Variants in SOX6 observed in about 807,000 individuals in gnomAD.
SOX6 encodes SRY-box transcription factor 6, also known as transcription factor SOX-6.
A neutral mutation model predicts 97.8 loss-of-function variants in SOX6; 11 were observed. The ratio of observed to expected loss-of-function variants is 0.11; its 90% confidence interval spans 0.07 to 0.19. SOX6 has a LOEUF of 0.19. Among genes scored for constraint, SOX6 ranks in the 10% least tolerant of loss-of-function variants. SOX6 has a pLI of 1.00. For missense variants in SOX6, 810 were observed against 1,039.5 expected (o/e 0.78, Z 3.04); for synonymous variants, 360 against 371.4 (o/e 0.97, Z 0.35).
chr11:16,340,606 T>C (rs1279917966), intron 2 of SOX6, among the ~76,000 whole-genome samples: 6 of 152,124 alleles, frequency 3.9e-5, no homozygotes, highest in Non-Finnish European at 8.8e-5. Context: ...ATTGAAGGTG[T>C]ATTCAACATA....
intron 13 of SOX6, among the ~76,000 whole-genome samples, chr11:15,996,196 C>T (rs1854218319): frequency 6.6e-6 from 1 of 152,054 alleles, no homozygotes. Context: ...ACAACAATAG[C>T]ATATTACCAC....
chr11:16,478,383 T>A (rs1860290450), upstream of SOX6, among the ~76,000 whole-genome samples: 1 of 152,238 alleles, frequency 6.6e-6, no homozygotes. Flanking sequence ...AATTTTTTAA[T>A]CAATGAACTA....
chr11:16,506,873 G>T (rs1860796333), intron 4 of SOX6, among the ~76,000 whole-genome samples: 1 of 152,036 alleles, frequency 6.6e-6, no homozygotes. Flanking sequence ...AGACCAGCCT[G>T]GTCAACATGG....
intron 1 of SOX6, among the ~76,000 whole-genome samples, chr11:16,346,565 T>C (rs1856783366): frequency 6.6e-6 from 1 of 152,082 alleles, no homozygotes; most frequent in Non-Finnish European, 1.5e-5. Context: ...CCAATCCACC[T>C]CCAAACTTCC....
Position 16,106,372 on chromosome 11 carries a change from G to GTA in SOX6, c.898+5429_898+5430dup, listed in dbSNP as rs747934353. Among the ~76,000 whole-genome samples the GTA allele has an allele frequency of 2.7e-3, 405 of 151,386 alleles. 3 individuals are homozygous for GTA. Among genetic ancestry groups the GTA allele is most frequent in the African/African-American group, 7.8e-3 (321 of 41,318 alleles). Reference sequence around the variant, plus strand: ...TATATATATATACATATGTGTGTGTGTATATATATATACATATCTACCAAT... The same window carrying GTA: ...TATATATATATACATATGTGTGTGTGTATATATATATATACATATCTACCAAT... On this transcript the variant is annotated intron_variant, in intron 7 of 15. Transcript: ENST00000683767.
At chr11:16,010,598 G>A (rs1366146429) in intron 13 of SOX6, among the ~76,000 whole-genome samples, 3 of 151,802 alleles carry the variant, frequency 2.0e-5, no homozygotes, top group African/African-American at 7.3e-5. Flanking sequence ...GAAACCCCAG[G>A]TATAAGAGAA....
At chr11:16,193,116 C>T (rs557802368) in intron 4 of SOX6, among the ~76,000 whole-genome samples, 57 of 151,976 alleles carry the variant, frequency 3.8e-4, no homozygotes, top group African/African-American at 7.2e-4. Context: ...AACACAGCAA[C>T]GGAGAAAGAG....
At chr11:15,993,435 C>T (rs185080799) in intron 13 of SOX6, among the ~76,000 whole-genome samples, 8 of 146,126 alleles carry the variant, frequency 5.5e-5, no homozygotes, top group South Asian at 2.2e-4. Context: ...GTGAGTTCAG[C>T]GTATGATTTT....
At chr11:15,991,145 G>C (rs1358639247) in intron 13 of SOX6, among the ~76,000 whole-genome samples, 3 of 152,076 alleles carry the variant, frequency 2.0e-5, no homozygotes, top group Non-Finnish European at 4.4e-5. Context: ...AGGCCTACTA[G>C]ACAGAATGAT....
intron 4 of SOX6, among the ~76,000 whole-genome samples, chr11:16,549,243 C>T (rs1847652557): frequency 6.6e-6 from 1 of 152,122 alleles, no homozygotes; most frequent in Non-Finnish European, 1.5e-5. Flanking sequence ...GATCTCGGCT[C>T]ACTGCAACGT....
chr11:16,157,513 G>C (rs576355977), intron 6 of SOX6, among the ~76,000 whole-genome samples: 40 of 151,872 alleles, frequency 2.6e-4, no homozygotes, highest in African/African-American at 8.5e-4. Flanking sequence ...CTGTCCCCCA[G>C]ATTTGGTTAA....
chr11:16,080,837 C>T (rs1399022470), intron 9 of SOX6, among the ~76,000 whole-genome samples: 2 of 152,124 alleles, frequency 1.3e-5, no homozygotes, highest in Non-Finnish European at 2.9e-5. Flanking sequence ...GCTTTACTCA[C>T]AGTGAAGCCC....
At chr11:16,032,395 A>C (rs1231757011) in intron 12 of SOX6, among the ~76,000 whole-genome samples, 3 of 152,184 alleles carry the variant, frequency 2.0e-5, no homozygotes, top group Non-Finnish European at 2.9e-5. Flanking sequence ...TTTTTGTATT[A>C]AAAATTCATC....
At chr11:16,277,118 A>T (rs1854426109) in intron 3 of SOX6, among the ~76,000 whole-genome samples, 1 of 151,952 alleles carries the variant, frequency 6.6e-6, no homozygotes, top group Non-Finnish European at 1.5e-5. Flanking sequence ...GCATGAGAGG[A>T]CTCTGTGCTA....
At chr11:16,110,098 C>G (rs1017896774) in intron 7 of SOX6, among the ~76,000 whole-genome samples, 7 of 152,106 alleles carry the variant, frequency 4.6e-5, no homozygotes, top group Non-Finnish European at 8.8e-5. Context: ...TATCTTCCCC[C>G]ATGAAAAGTG....
At chr11:16,239,914 C>A (rs1048329198) in intron 3 of SOX6, among the ~76,000 whole-genome samples, 1 of 151,980 alleles carries the variant, frequency 6.6e-6, no homozygotes, top group Non-Finnish European at 1.5e-5. Context: ...GCATTTATGC[C>A]TAGCAATGAA....
intron 6 of SOX6, among the ~76,000 whole-genome samples, chr11:16,169,826 G>C (rs1010978032): frequency 2.6e-5 from 4 of 151,892 alleles, no homozygotes; most frequent in Non-Finnish European, 4.4e-5. Context: ...CCACCATGAG[G>C]TGCTGATGGG....
intron 4 of SOX6, among the ~76,000 whole-genome samples, chr11:16,197,824 T>C (rs1224655801): frequency 6.6e-6 from 1 of 152,218 alleles, no homozygotes; most frequent in Non-Finnish European, 1.5e-5. Context: ...AAGAGTCTCC[T>C]GTCACAGGAT....
intron 4 of SOX6, among the ~76,000 whole-genome samples, chr11:16,553,895 C>T (rs763368127): frequency 1.3e-5 from 2 of 151,958 alleles, no homozygotes; most frequent in Non-Finnish European, 2.9e-5. Flanking sequence ...AAAAATAGAC[C>T]ACTTTCTCTC....
Sources: gnomAD v4.1 joint callset for allele counts (sites outside exome capture counted in the v4.1 genomes callset) on GRCh38, gnomAD v4.1.1 for gene constraint, MANE v1.5 for transcripts, NCBI Gene and HGNC (gene_info 2026-07-23, HGNC 2026-07-21) for gene names.